The following DPP6 variants were observed in gnomAD, a reference collection of about 807,000 sequenced individuals.
DPP6 encodes the protein dipeptidyl peptidase like 6.
In DPP6, 69 loss-of-function variants were observed where a neutral mutation model predicts 122.6. The observed-to-expected ratio is 0.56, with a 90% CI of 0.46 to 0.69. The LOEUF (loss-of-function observed/expected upper bound fraction) is 0.69. Ranked by LOEUF, DPP6 falls within the 30% of genes least tolerant of loss-of-function variation. The pLI, the probability that DPP6 is intolerant of heterozygous loss-of-function variation, is 0.00. For missense variants in DPP6, 928 were observed against 1,116.9 expected (o/e 0.83, Z 2.41); for synonymous variants, 418 against 433.1 (o/e 0.97, Z 0.43).
chr7:154,290,485 C>G (rs915990659), intron 1 of DPP6, among the ~76,000 whole-genome samples: 1 of 152,074 alleles, frequency 6.6e-6, no homozygotes, highest in Admixed American at 6.5e-5. Flanking sequence ...TGCCACCCCC[C>G]TGCCTTGCAC....
At chr7:153,983,248 A>G (rs1796680683) in intron 1 of DPP6, among the ~76,000 whole-genome samples, 1 of 152,226 alleles carries the variant, frequency 6.6e-6, no homozygotes, top group African/African-American at 2.4e-5. Flanking sequence ...CCCTGCCCAG[A>G]GAGAAGGAAT....
rs865919959 is a variant in DPP6 at position 153,975,399 on chromosome 7, G to C, written c.51+87665G>C. On this transcript the variant is annotated intron_variant, in intron 1 of 25. Transcript: ENST00000404039. ...CAAAGATTTTCTAGACTCTCTATTA[G>C]AGAAATTTTACCAAAACAGTTATGT... 3.6e-4 allele frequency among the ~76,000 whole-genome samples: 48 copies of C among 132,114 alleles called. No individual in the cohort carries two copies. In the South Asian group the frequency reaches 7.2e-3, roughly 20 times the overall value. 86.7% of individuals were successfully genotyped at this position (132,114 alleles called of 152,430 possible).
At chr7:154,525,397 A>G (rs914441482) in intron 3 of DPP6, among the ~76,000 whole-genome samples, 1 of 152,178 alleles carries the variant, frequency 6.6e-6, no homozygotes, top group Non-Finnish European at 1.5e-5. Context: ...GGCTCAAGCT[A>G]TTCTCCTACC....
At chr7:154,590,659 C>G (rs901252839) in intron 5 of DPP6, among the ~76,000 whole-genome samples, 2 of 149,764 alleles carry the variant, frequency 1.3e-5, no homozygotes, top group Non-Finnish European at 3.0e-5. Flanking sequence ...CTCAGCCTCT[C>G]GAGTAGCTGG....
At chr7:154,565,035 C>T (rs149350125) in intron 4 of DPP6, among the ~76,000 whole-genome samples, 1 of 152,280 alleles carries the variant, frequency 6.6e-6, no homozygotes, top group East Asian at 1.9e-4. Context: ...GGCAAGAAGG[C>T]TGTGAACGCC....
chr7:154,752,171 C>T (rs1015036427), intron 8 of DPP6, among the ~76,000 whole-genome samples: 4 of 152,124 alleles, frequency 2.6e-5, no homozygotes, highest in East Asian at 3.9e-4. Flanking sequence ...GACAGCATGA[C>T]AAAATGTATA....
intron 1 of DPP6, among the ~76,000 whole-genome samples, chr7:154,266,493 C>T (rs568197523): frequency 6.6e-6 from 1 of 152,276 alleles, no homozygotes; most frequent in African/African-American, 2.4e-5. Context: ...GCATGAGAAT[C>T]ACTTGAACCT....
At chr7:153,906,278 C>G (rs1799847462) in intron 1 of DPP6, among the ~76,000 whole-genome samples, 1 of 152,114 alleles carries the variant, frequency 6.6e-6, no homozygotes, top group Admixed American at 6.6e-5. Flanking sequence ...GAAGTCTGGG[C>G]TTTTTGTGTG....
chr7:153,848,094 G>A, the DPP6 span, among the ~76,000 whole-genome samples: 1 of 152,176 alleles, frequency 6.6e-6, no homozygotes, highest in South Asian at 2.1e-4. Context: ...GCGGATAGGG[G>A]ACCGGGCCAC....
intron 1 of DPP6, among the ~76,000 whole-genome samples, chr7:153,951,437 G>T (rs564053981): frequency 3.3e-5 from 5 of 152,240 alleles, no homozygotes; most frequent in African/African-American, 4.8e-5. Context: ...GCAAGGAAAC[G>T]CTACGAGACT....
chr7:154,555,686 TA>T (rs1191779824), intron 4 of DPP6, among the ~76,000 whole-genome samples: 1 of 151,988 alleles, frequency 6.6e-6, no homozygotes, highest in East Asian at 1.9e-4. Flanking sequence ...TTAATATGGC[TA>T]AATACAAGAA....
chr7:153,952,864 A>G (rs1285877120), intron 1 of DPP6, among the ~76,000 whole-genome samples: 1 of 152,244 alleles, frequency 6.6e-6, no homozygotes, highest in Non-Finnish European at 1.5e-5. Flanking sequence ...AAGCCCTGTC[A>G]AATACAGGAG....
chr7:154,121,811 C>T (rs1054037998), intron 1 of DPP6, among the ~76,000 whole-genome samples: 1 of 152,170 alleles, frequency 6.6e-6, no homozygotes, highest in African/African-American at 2.4e-5. Flanking sequence ...TAGGTGTTCC[C>T]ACCAGAGCAT....
At chr7:153,895,710 A>G (rs1799380932) in intron 1 of DPP6, among the ~76,000 whole-genome samples, 1 of 146,332 alleles carries the variant, frequency 6.8e-6, no homozygotes, top group Non-Finnish European at 1.5e-5. Flanking sequence ...CACACCATAT[A>G]CATGCATGTG....
rs142607126 is a variant in DPP6 at position 154,675,553 on chromosome 7, C to T, written c.762+6112C>T. 2.4e-3 allele frequency among the ~76,000 whole-genome samples: 367 copies of T among 152,208 alleles called. 2 individuals carry two copies. The highest frequency in any genetic ancestry group is 8.0e-3 in the African/African-American group (332 of 41,510). On this transcript the variant is annotated intron_variant, in intron 7 of 25. Coordinates refer to ENST00000377770, the MANE Select transcript of DPP6 (RefSeq NM_130797.4). ...ACGGGACCCTGCAGGCCGGTCCTGC[C>T]GTGCATGTACTTTCCTGTCATTCTC...
chr7:154,129,859 C>T lies in DPP6; in HGVS notation c.243+76796C>T, dbSNP rs953117308. 2.0e-5 allele frequency among the ~76,000 whole-genome samples: 3 copies of T among 150,852 alleles called. No homozygotes were observed. The South Asian group carries it at 6.3e-4, about 32-fold the overall frequency. ...AGCTTGCAGTGAGCTGAGATTGTGC[C>T]ACTGCACTCCAGCCTGGGTGACAGA... On this transcript the variant is annotated intron_variant, in intron 1 of 25. Transcript: ENST00000377770.
the DPP6 span, among the ~76,000 whole-genome samples, chr7:153,806,503 GCTTCAGTCT>G: frequency 6.6e-6 from 1 of 151,470 alleles, no homozygotes; most frequent in South Asian, 2.1e-4. Context: ...TCAATTTCCA[GCTTCAGTCT>G]AAGCTCCTGC....
At chr7:154,058,371 C>CG (rs1801096764) in intron 1 of DPP6, 1 of 150,444 alleles carries the variant, frequency 6.6e-6, no homozygotes, top group African/African-American at 2.4e-5. Flanking sequence ...CCTCTTCCCC[C>CG]CCTGGCTCTG....
At chr7:154,325,200 TAGTG>T (rs1199181011) in intron 1 of DPP6, among the ~76,000 whole-genome samples, 1 of 152,046 alleles carries the variant, frequency 6.6e-6, no homozygotes, top group Non-Finnish European at 1.5e-5. Context: ...AATGAAAGCT[TAGTG>T]AGAGAAGGTG....
Sources: allele counts gnomAD v4.1 joint callset (sites outside exome capture counted in the v4.1 genomes callset), GRCh38; gene constraint gnomAD v4.1.1; transcripts MANE v1.5; gene names NCBI Gene and HGNC (gene_info 2026-07-23, HGNC 2026-07-21).